Variants in QSOX1 observed in about 807,000 individuals in gnomAD.
QSOX1 encodes sulfhydryl oxidase 1.
QSOX1 carries 40 observed loss-of-function variants against 76.1 expected under a neutral mutation model. The ratio of observed to expected loss-of-function variants is 0.53; its 90% CI spans 0.41 to 0.68. QSOX1 has a LOEUF of 0.68. QSOX1 is among the 30% of genes least tolerant of loss of function. The pLI is 0.00. For synonymous variants in QSOX1, 392 were observed against 413.1 expected (o/e 0.95, Z 0.62); for missense variants, 931 against 974.3 (o/e 0.96, Z 0.59).
chr1:180,196,254 C>T lies in QSOX1; in HGVS notation c.1469-8C>T, dbSNP rs1663482671. 2 of 1,605,520 alleles carry T rather than the reference C, an allele frequency of 1.2e-6. No homozygotes were observed. Among genetic ancestry groups the T allele is most frequent in the Non-Finnish European group, 1.7e-6 (2 of 1,174,054 alleles). On this transcript the variant is annotated splice_polypyrimidine_tract_variant and splice_region_variant and intron_variant, in intron 11 of 11. Coordinates refer to ENST00000367602, the MANE Select transcript of QSOX1 (RefSeq NM_002826.5). This position sits in a 1 kb window ranked among gnomAD's most constrained non-coding sequence, Gnocchi z 4.1. ...TCACCACCAGCCTGTGTATGCTTCC[C>T]TCTGTAGGTGCCCCCAGCGAGGACC... is the stretch of plus-strand genomic sequence containing the variant.
chr1:180,159,356 G>A lies in QSOX1; in HGVS notation c.265+4184G>A, dbSNP rs560947489. ...CCTCTGTCACCCAGCTCTGCATTGC[G>A]TTGACAGTAAAGCTTAAATGCAGCT... is the stretch of plus-strand genomic sequence containing the variant. On this transcript the variant is annotated intron_variant, in intron 1 of 11. Coordinates refer to ENST00000367602, the MANE Select transcript of QSOX1 (RefSeq NM_002826.5). 2.6e-5 allele frequency among the ~76,000 whole-genome samples: 4 copies of A among 152,354 alleles called. No individual in the cohort carries two copies. The East Asian group carries it at 7.7e-4, about 29-fold the overall frequency.
chr1:180,157,029 G>T (rs1482877776), intron 1 of QSOX1, among the ~76,000 whole-genome samples: 1 of 152,212 alleles, frequency 6.6e-6, no homozygotes, highest in Non-Finnish European at 1.5e-5. Context: ...CCTATGAGTT[G>T]CATGTCTAGA....
intron 5 of QSOX1, among the ~76,000 whole-genome samples, chr1:180,181,300 G>GAAGTC (rs1346385160): frequency 6.6e-6 from 1 of 152,208 alleles, no homozygotes; most frequent in Admixed American, 6.5e-5. Context: ...GTCAGTAACA[G>GAAGTC]AAGTCCGTGC....
At chr1:180,187,500 A>C (rs80313835) in intron 8 of QSOX1, among the ~76,000 whole-genome samples, 1 of 152,348 alleles carries the variant, frequency 6.6e-6, no homozygotes, top group East Asian at 1.9e-4. Context: ...ACCCTAGTCC[A>C]GTACTCTCCA....
intron 2 of QSOX1, among the ~76,000 whole-genome samples, chr1:180,173,490 G>A (rs1185886655): frequency 6.6e-6 from 1 of 152,192 alleles, no homozygotes; most frequent in Non-Finnish European, 1.5e-5. Context: ...TGTATAAGTG[G>A]ATGGTTTTCA....
intron 2 of QSOX1, among the ~76,000 whole-genome samples, chr1:180,174,378 G>A (rs1172748683): frequency 6.6e-6 from 1 of 152,222 alleles, no homozygotes; most frequent in Non-Finnish European, 1.5e-5. Flanking sequence ...GGACAAAGTG[G>A]TGAGTTAAAT....
intron 10 of QSOX1, among the ~76,000 whole-genome samples, chr1:180,190,828 G>A (rs955043769): frequency 2.6e-5 from 4 of 152,160 alleles, no homozygotes; most frequent in South Asian, 2.1e-4. Flanking sequence ...TTTCGGCCCC[G>A]GGAGCTCTGG....
chr1:180,176,385 G>A lies in QSOX1; in HGVS notation c.515+352G>A, dbSNP rs143434211. Among the ~76,000 whole-genome samples the A allele has an allele frequency of 2.8e-4, 42 of 152,382 alleles. No individual in the cohort carries two copies. In the East Asian group the frequency reaches 7.7e-3, roughly 28 times the overall value. On this transcript the variant is annotated intron_variant, in intron 4 of 11. Transcript: ENST00000367602. ...TCCCTCAAAATGTTTGCGGGACGCA[G>A]CAGGATTTCACATGCTCTATCCCCG...
chr1:180,198,222 G>C lies in QSOX1; in HGVS notation c.*1185G>C, dbSNP rs116026910. 9.7e-3 allele frequency: 4,431 copies of C among 456,644 alleles called. 58 individuals carry two copies. The highest frequency in any genetic ancestry group is 0.03 in the Middle Eastern group (93 of 3,076). The allele number at this position is 456,644 out of a possible 1,614,324, so 28.3% of individuals were successfully genotyped here. On this transcript the variant is annotated 3_prime_UTR_variant, in exon 12 of 12. Coordinates refer to ENST00000367602, the MANE Select transcript of QSOX1 (RefSeq NM_002826.5). ...ATGGCCTTTTCATGCACGGAGACAG[G>C]CCTCTGGATGTGCAGCCTTGCCACC... is the stretch of plus-strand genomic sequence containing the variant.
intron 3 of QSOX1, 41 bp downstream of exon 3, chr1:180,175,407 C>A: frequency 6.3e-7 from 1 of 1,593,828 alleles, no homozygotes; most frequent in Non-Finnish European, 8.6e-7. Flanking sequence ...CATCTTCCTC[C>A]CCCAACCTCC....
At chr1:180,188,144 C>T (rs541468051) in intron 8 of QSOX1, among the ~76,000 whole-genome samples, 152 of 152,316 alleles carry the variant, frequency 1.0e-3, no homozygotes, top group Middle Eastern at 3.4e-3. Context: ...GGGAGCCACA[C>T]CCACTCGCAT....
rs1558197326 is a variant in QSOX1 at position 180,202,281 on chromosome 1, C to T, written c.*5244C>T. 1 of 152,262 alleles carries T rather than the reference C, an allele frequency of 6.6e-6. No homozygotes were observed. The highest frequency in any genetic ancestry group is 1.5e-5 in the Non-Finnish European group (1 of 68,100). 9.4% of individuals were successfully genotyped at this position (152,262 alleles called of 1,614,324 possible). ...CTGCTTTGGCAAGACTTGGTCGTCT[C>T]TATACTGAGAGAGCAAAAGCTCTTT... On this transcript the variant is annotated 3_prime_UTR_variant, in exon 12 of 12. Coordinates refer to ENST00000367602, the MANE Select transcript of QSOX1 (RefSeq NM_002826.5).
chr1:180,185,717 G>T (rs1663154067), intron 7 of QSOX1, among the ~76,000 whole-genome samples: 1 of 152,220 alleles, frequency 6.6e-6, no homozygotes, highest in Non-Finnish European at 1.5e-5. Context: ...GTTGCAGGAG[G>T]GGTGGCTGTG....
intron 8 of QSOX1, 82 bp from the exon 9 acceptor site, chr1:180,189,470 G>C: frequency 9.7e-7 from 1 of 1,034,862 alleles, no homozygotes; most frequent in African/African-American, 1.9e-5. Flanking sequence ...GCCTTCTTCT[G>C]CATAGCTTCC....
At chr1:180,174,885 C>A (rs1662847059) in intron 2 of QSOX1, among the ~76,000 whole-genome samples, 1 of 151,928 alleles carries the variant, frequency 6.6e-6, no homozygotes, top group Non-Finnish European at 1.5e-5. Flanking sequence ...ACAGGCTCGG[C>A]CAGGCGCCTA....
chr1:180,184,562 C>G (rs571351391), intron 7 of QSOX1, among the ~76,000 whole-genome samples: 2 of 152,306 alleles, frequency 1.3e-5, no homozygotes, highest in East Asian at 3.9e-4. Flanking sequence ...AGTTCACTGC[C>G]TTTTCAGGTC....
intron 3 of QSOX1, among the ~76,000 whole-genome samples, chr1:180,175,644 G>T (rs1285456110): frequency 1.3e-5 from 2 of 152,208 alleles, no homozygotes; most frequent in African/African-American, 2.4e-5. Flanking sequence ...TCACAATGGG[G>T]TTGGCGCCCA....
At chr1:180,175,156 C>CAAA (rs397982130) in intron 2 of QSOX1, among the ~76,000 whole-genome samples, 165 bp from the exon 3 acceptor site, 1 of 136,734 alleles carries the variant, frequency 7.3e-6, no homozygotes. Context: ...GACTCTGTCT[C>CAAA]AAAAAAAAAA....
chr1:180,190,316 G>A (rs951183087), intron 9 of QSOX1, 117 bp from the exon 10 acceptor site: 3 of 1,175,492 alleles, frequency 2.6e-6, no homozygotes, highest in African/African-American at 3.1e-5. Context: ...TGCCACCTTC[G>A]AGGTGATAGA....
Sources: gnomAD v4.1 joint callset for allele counts (sites outside exome capture counted in the v4.1 genomes callset) on GRCh38, gnomAD v4.1.1 for gene constraint, Gnocchi (gnomAD v3.1) non-coding constraint, MANE v1.5 for transcripts, NCBI Gene and HGNC (gene_info 2026-07-23, HGNC 2026-07-21) for gene names.